FYB2: variants seen among roughly 807,000 people sequenced by gnomAD.
FYB2 encodes FYN binding protein 2.
In FYB2, 103 loss-of-function variants were observed where a neutral mutation model predicts 94.1. The ratio of observed to expected loss-of-function variants is 1.09; its 90% CI spans 0.93 to 1.29. The LOEUF is 1.29. FYB2 is among the 50% of genes most tolerant of loss of function. The probability of loss-of-function intolerance (pLI) is 0.00; values close to 1 mark genes in which losing one functional copy is unlikely to be tolerated. For synonymous variants in FYB2, 293 were observed against 287.9 expected, an observed-to-expected ratio of 1.02 and a Z score of -0.18; for missense variants, 896 against 841.5, an observed-to-expected ratio of 1.06 and a Z score of -0.80.
chr1:56,799,777 G>A (rs578194994), intron 1 of FYB2, among the ~76,000 whole-genome samples: 3 of 152,200 alleles, frequency 2.0e-5, no homozygotes, highest in Non-Finnish European at 2.9e-5. Flanking sequence ...CTGCTGCCAC[G>A]GGCTGCTAGG....
intron 12 of FYB2, 37 bp downstream of exon 12, chr1:56,742,124 T>C: frequency 6.4e-7 from 1 of 1,560,246 alleles, no homozygotes; most frequent in Admixed American, 1.7e-5. Context: ...TAACAGGAAG[T>C]CATTAGCCTA....
At chr1:56,736,066 G>A (rs1411193588) in intron 15 of FYB2, among the ~76,000 whole-genome samples, 1 of 151,992 alleles carries the variant, frequency 6.6e-6, no homozygotes. Flanking sequence ...TATCTACCTG[G>A]AAAATATGTA....
chr1:56,796,709 C>G (rs1316756725), intron 1 of FYB2, among the ~76,000 whole-genome samples: 2 of 152,138 alleles, frequency 1.3e-5, no homozygotes, highest in Non-Finnish European at 2.9e-5. Flanking sequence ...TGGGCCTCCC[C>G]CCAACATGCT....
intron 1 of FYB2, among the ~76,000 whole-genome samples, chr1:56,813,065 C>T (rs1342376): frequency 6.6e-6 from 1 of 152,178 alleles, no homozygotes; most frequent in Non-Finnish European, 1.5e-5. Context: ...AGATGGCTGT[C>T]TTCATGTTCA....
chr1:56,808,788 C>T (rs1020349343), intron 1 of FYB2, among the ~76,000 whole-genome samples: 1 of 152,118 alleles, frequency 6.6e-6, no homozygotes, highest in Admixed American at 6.5e-5. Context: ...CACGTTATAT[C>T]TCATCCCCAT....
intron 1 of FYB2, among the ~76,000 whole-genome samples, chr1:56,816,870 T>C (rs999950425): frequency 6.6e-6 from 1 of 151,930 alleles, no homozygotes; most frequent in Non-Finnish European, 1.5e-5. Context: ...TTTCTTTTTT[T>C]TTTTTTTGTC....
In FYB2 at chr1:56,742,088, T is replaced by C. The variant is rs2100617009; in HGVS notation, c.1604+73A>G. The C allele has an allele frequency of 5.9e-6, 8 of 1,361,770 alleles. No homozygotes were observed. In the South Asian group the frequency reaches 1.0e-4, roughly 17 times the overall value. The allele number at this position is 1,361,770 out of a possible 1,614,324, so 84.4% of individuals were successfully genotyped here. A position where few individuals can be genotyped will look rare whatever the true frequency, so the allele number is the denominator to read the frequency against. On this transcript the variant is annotated intron_variant, in intron 12 of 19. Transcript: ENST00000343433. ...GGGCTGGGGGGCGGATGGTGGGTCCTCACTGAAACTCTGGCTTTACTAGAC... is the reference window on the plus strand; with the variant it reads ...GGGCTGGGGGGCGGATGGTGGGTCCCCACTGAAACTCTGGCTTTACTAGAC...
chr1:56,763,747 C>T lies in FYB2; in HGVS notation c.1063+4082G>A, dbSNP rs12734555. On this transcript the variant is annotated intron_variant, in intron 5 of 19. Transcript: ENST00000343433. Reference sequence around the variant, plus strand: ...ATTTTATTGATTTTTTTTCAAAGAACACATCTTTAATTCCACTGATTTTCT... The same window carrying T: ...ATTTTATTGATTTTTTTTCAAAGAATACATCTTTAATTCCACTGATTTTCT... Among the ~76,000 whole-genome samples the T allele has an allele frequency of 6.6e-3, 999 of 151,902 alleles. 4 individuals carry two copies. Among genetic ancestry groups the T allele is most frequent in the Non-Finnish European group, 8.9e-3 (606 of 67,968 alleles).
chr1:56,787,313 G>T (rs1381002056), intron 3 of FYB2, 105 bp from the exon 4 acceptor site: 27 of 1,419,448 alleles, frequency 1.9e-5, no homozygotes, highest in Non-Finnish European at 2.5e-5. Context: ...GTGGAGAGTG[G>T]AAGCTTGCCT....
chr1:56,751,081 A>T lies in FYB2; in HGVS notation c.1350T>A (p.Pro450=), dbSNP rs1465817062. 5 of 1,612,788 alleles carry T rather than the reference A, an allele frequency of 3.1e-6. No homozygotes were observed. Among genetic ancestry groups the T allele is most frequent in the Non-Finnish European group, 4.2e-6 (5 of 1,179,178 alleles). Residue 450 remains proline, a synonymous_variant, in exon 9 of 20, where the codon CCT becomes CCA. Transcript: ENST00000343433. ...MIDIIQTNPC[P]EGPKLARHSQ... is the part of the protein sequence containing the mutation. ...AGTGCCTGGCCAGCTTTGGGCCCTC[A>T]GGGCAGGGATTTGTCTGGATGATGT...
At chr1:56,773,888 A>C (rs531069305) in intron 4 of FYB2, among the ~76,000 whole-genome samples, 1 of 152,242 alleles carries the variant, frequency 6.6e-6, no homozygotes, top group South Asian at 2.1e-4. Context: ...AGGGAATGTG[A>C]CACCATCTGA....
intron 3 of FYB2, 60 bp from the exon 4 acceptor site, chr1:56,787,268 T>C: frequency 1.3e-6 from 2 of 1,586,776 alleles, no homozygotes; most frequent in South Asian, 2.2e-5. Context: ...TTAAAGTGAA[T>C]GATGCTTGTG....
chr1:56,754,651 A>G (rs1440425091), intron 7 of FYB2, among the ~76,000 whole-genome samples: 1 of 152,216 alleles, frequency 6.6e-6, no homozygotes, highest in East Asian at 1.9e-4. Context: ...CTGTGTTGTT[A>G]AACTTCCATA....
intron 4 of FYB2, among the ~76,000 whole-genome samples, chr1:56,779,250 A>C (rs1645953480): frequency 6.6e-6 from 1 of 152,230 alleles, no homozygotes; most frequent in South Asian, 2.1e-4. Flanking sequence ...TTCCAAATAT[A>C]AAATGGATGC....
chr1:56,812,612 T>C (rs1026288156), intron 1 of FYB2, among the ~76,000 whole-genome samples: 2 of 152,160 alleles, frequency 1.3e-5, no homozygotes, highest in African/African-American at 4.8e-5. Context: ...TTTAAAAATC[T>C]CCCCAGGGGC....
intron 4 of FYB2, among the ~76,000 whole-genome samples, chr1:56,776,765 A>T (rs979370376): frequency 2.0e-5 from 3 of 152,180 alleles, no homozygotes; most frequent in Non-Finnish European, 4.4e-5. Context: ...TGCCACCTAC[A>T]GCATTCGACC....
At chr1:56,721,966 T>C (rs1030197259) in intron 17 of FYB2, among the ~76,000 whole-genome samples, 1 of 152,190 alleles carries the variant, frequency 6.6e-6, no homozygotes, top group African/African-American at 2.4e-5. Flanking sequence ...ACAAAAATTA[T>C]TGAAATGGCC....
intron 4 of FYB2, among the ~76,000 whole-genome samples, chr1:56,776,729 G>GTC: frequency 6.6e-6 from 1 of 152,118 alleles, no homozygotes. Flanking sequence ...TTTTAAATAG[G>GTC]AGCCTGGTCT....
chr1:56,758,469 T>C (rs1645410914), intron 6 of FYB2, among the ~76,000 whole-genome samples: 2 of 152,122 alleles, frequency 1.3e-5, no homozygotes, highest in African/African-American at 4.8e-5. Context: ...TAGTTGTCAC[T>C]GCCCACCACA....
Sources: allele counts gnomAD v4.1 joint callset (sites outside exome capture counted in the v4.1 genomes callset), GRCh38; gene constraint gnomAD v4.1.1; transcripts MANE v1.5; gene names NCBI Gene and HGNC (gene_info 2026-07-23, HGNC 2026-07-21).